Variants in CTH observed in about 807,000 individuals in gnomAD.
CTH encodes cystathionase (cystathionine gamma-lyase).
CTH carries 41 observed loss-of-function variants against 50.6 expected under a neutral mutation model. The observed-to-expected ratio is 0.81, with a 90% CI of 0.63 to 1.05. The LOEUF is 1.05. Ranked by LOEUF, CTH falls within the 50% of genes least tolerant of loss-of-function variation. The pLI is 0.00. For synonymous variants in CTH, 156 were observed against 168.9 expected (o/e 0.92, Z 0.59); for missense variants, 470 against 492.6 (o/e 0.95, Z 0.43).
intron 3 of CTH, among the ~76,000 whole-genome samples, chr1:70,420,344 C>T (rs116637048): frequency 0.023 from 3,471 of 152,120 alleles, 134 homozygotes; most frequent in African/African-American, 0.079. Context: ...GGGGATGGTT[C>T]CAGGATGAAA....
At chr1:70,415,848 C>T in intron 1 of CTH, 108 bp from the exon 2 acceptor site, 1 of 731,208 alleles carries the variant, frequency 1.4e-6, no homozygotes, top group South Asian at 1.5e-5. Context: ...CATATCATGA[C>T]TAAAGAATAG....
Position 70,433,876 on chromosome 1 carries a change from G to A in CTH, c.926G>A (p.Gly309Asp), listed in dbSNP as rs758965946. 14 of 1,613,950 alleles carry A rather than the reference G, an allele frequency of 8.7e-6. No individual in the cohort carries two copies. The highest frequency in any genetic ancestry group is 8.5e-7 in the Non-Finnish European group (1 of 1,180,006). Residue 309 changes from glycine to aspartate, a missense_variant, in exon 9 of 12, where the codon GGT becomes GAT. By Grantham distance (94) the Gly-to-Asp change is moderately conservative. Transcript: ENST00000370938. ...GAGTTGGTGAAGCGTCAGTGTACAGGTTGTACAGGGATGGTCACCTTTTAT... is the reference window on the plus strand; with the variant it reads ...GAGTTGGTGAAGCGTCAGTGTACAGATTGTACAGGGATGGTCACCTTTTAT... ...QHELVKRQCT[G>D]CTGMVTFYIK... is the part of the protein sequence containing the mutation.
intron 3 of CTH, among the ~76,000 whole-genome samples, chr1:70,419,435 C>T (rs1169207062): frequency 6.6e-6 from 1 of 152,186 alleles, no homozygotes; most frequent in Non-Finnish European, 1.5e-5. Flanking sequence ...TTTACAGTCC[C>T]ACCAACAGTG....
At chr1:70,418,875 G>C (rs1322406070) in intron 3 of CTH, among the ~76,000 whole-genome samples, 1 of 151,986 alleles carries the variant, frequency 6.6e-6, no homozygotes, top group Non-Finnish European at 1.5e-5. Flanking sequence ...GGGTCTCATG[G>C]ATTGAACCGC....
Position 70,439,772 on chromosome 1 carries a change from C to T in CTH, c.*645C>T, listed in dbSNP as rs768146060. 4 of 152,194 alleles carry T rather than the reference C, an allele frequency of 2.6e-5. No individual in the cohort carries two copies. Among genetic ancestry groups the T allele is most frequent in the African/African-American group, 9.7e-5 (4 of 41,392 alleles). The allele number at this position is 152,194 out of a possible 1,614,324, so 9.4% of individuals were successfully genotyped here. ...ATCCTGGCTAGCGCAGTGAAACCCC[C>T]ATCTCTACTAAAAATGCAAAAAAAA... On this transcript the variant is annotated 3_prime_UTR_variant, in exon 12 of 12. Transcript: ENST00000370938.
rs144207053 is a variant in CTH at position 70,429,971 on chromosome 1, T to TAA, written c.646+130_646+131dup. The TAA allele has an allele frequency of 4.3e-4, 249 of 575,094 alleles. No homozygotes were observed. In the African/African-American group the frequency reaches 4.4e-3, roughly 10 times the overall value. The allele number at this position is 575,094 out of a possible 1,614,324, so 35.6% of individuals were successfully genotyped here. ...TATTTCCTGTGACTCATAGAGAGAGTAAAAAAAAAAATCCTTTGATTAAAT... is the reference window on the plus strand; with the variant it reads ...TATTTCCTGTGACTCATAGAGAGAGTAAAAAAAAAAAAATCCTTTGATTAAAT... On this transcript the variant is annotated intron_variant, in intron 6 of 11. Transcript: ENST00000370938.
Position 70,432,142 on chromosome 1 carries a change from C to A in CTH, c.784C>A (p.Leu262Ile). 1 of 1,614,108 alleles carries A rather than the reference C, an allele frequency of 6.2e-7. No homozygotes were observed. Among genetic ancestry groups the A allele is most frequent in the South Asian group, 1.1e-5 (1 of 91,078 alleles). Residue 262 changes from leucine (L) to isoleucine (I), a missense_variant, in exon 8 of 12, where the codon CTA (leucine) becomes ATA (isoleucine). Leu to Ile is a conservative substitution (Grantham distance 5). Transcript: ENST00000370938. ...CYLCNRGLKT[L>I]HVRMEKHFKN... ...CCTCTGCAATCGAGGTCTGAAGACT[C>A]TACATGTCCGAATGGAAAAGCATTT...
intron 3 of CTH, 81 bp downstream of exon 3, chr1:70,418,113 G>A: frequency 1.3e-6 from 2 of 1,490,726 alleles, no homozygotes; most frequent in South Asian, 1.2e-5. Context: ...TATTAACAAT[G>A]TTGCCAGTAT....
rs1452491107 is a variant in CTH, at chr1:70,417,897, C to G, written c.251-40C>G. The G allele has an allele frequency of 1.9e-6, 3 of 1,610,680 alleles. No individual in the cohort carries two copies. In the Admixed American group the frequency reaches 5.0e-5, roughly 27 times the overall value. On this transcript the variant is annotated intron_variant, in intron 2 of 11. Transcript: ENST00000370938. ...TTGGAGGTGTGTTGTAACCTATAGG[C>G]CTGACTTTTCAGCTTACTCTAACTT...
chr1:70,433,009 C>T (rs930036371), intron 8 of CTH, among the ~76,000 whole-genome samples: 14 of 152,098 alleles, frequency 9.2e-5, no homozygotes, highest in East Asian at 7.7e-4. Flanking sequence ...CTGTATTTCT[C>T]TCCTGTATTT....
intron 3 of CTH, 66 bp from the exon 4 acceptor site, chr1:70,421,500 A>G (rs6413471): frequency 1.3e-6 from 2 of 1,515,782 alleles, no homozygotes; most frequent in East Asian, 2.3e-5. Flanking sequence ...GTGTTTATAC[A>G]TAGAAGGAAT....
intron 3 of CTH, among the ~76,000 whole-genome samples, chr1:70,419,179 A>G (rs1341414939): frequency 3.9e-5 from 6 of 152,012 alleles, no homozygotes; most frequent in Admixed American, 2.6e-4. Flanking sequence ...GCTGCATAGT[A>G]TTCCATGTGT....
chr1:70,438,543 C>G, intron 10 of CTH, 145 bp from the exon 11 acceptor site: 2 of 807,634 alleles, frequency 2.5e-6, no homozygotes, highest in Non-Finnish European at 4.1e-6. Context: ...GTAATTTTCT[C>G]TTTTTTTGCC....
At chr1:70,434,746 ATTTTTTTTTTTTT>A (rs35606808) in intron 9 of CTH, 6 of 131,528 alleles carry the variant, frequency 4.6e-5, no homozygotes, top group Non-Finnish European at 9.4e-5. Flanking sequence ...AAATGCAATA[ATTTTTTTTTTTTT>A]TTTTTTTTTT....
chr1:70,426,723 G>C (rs1684353430), intron 5 of CTH, among the ~76,000 whole-genome samples: 1 of 152,122 alleles, frequency 6.6e-6, no homozygotes, highest in South Asian at 2.1e-4. Flanking sequence ...TTCTGGCATT[G>C]TCTATTTGGC....
chr1:70,438,938 T>A, intron 11 of CTH, 112 bp downstream of exon 11: 1 of 1,599,840 alleles, frequency 6.3e-7, no homozygotes, highest in Non-Finnish European at 8.5e-7. Flanking sequence ...CTCTAAAGCT[T>A]TTCTGTTCCT....
Position 70,421,556 on chromosome 1 carries a change from T to G in CTH, c.347-10T>G, listed in dbSNP as rs781631194. 14 of 1,612,754 alleles carry G rather than the reference T, an allele frequency of 8.7e-6. No individual in the cohort carries two copies. The highest frequency in any genetic ancestry group is 1.2e-5 in the Non-Finnish European group (14 of 1,178,868). ...TTCTTTTCATTTTATCTGATTCCCTTCTGTCTCAGGTACAAACAGGTACTT... is the reference window on the plus strand; with the variant it reads ...TTCTTTTCATTTTATCTGATTCCCTGCTGTCTCAGGTACAAACAGGTACTT... On this transcript the variant is annotated splice_polypyrimidine_tract_variant and intron_variant, in intron 3 of 11. Transcript: ENST00000370938.
At chr1:70,413,972 C>G (rs949909920) in intron 1 of CTH, among the ~76,000 whole-genome samples, 1 of 151,100 alleles carries the variant, frequency 6.6e-6, no homozygotes, top group African/African-American at 2.4e-5. Context: ...GAAATCCTGA[C>G]CTCAGGTGAT....
At chr1:70,435,758 G>A (rs892031359) in intron 10 of CTH, among the ~76,000 whole-genome samples, 3 of 152,070 alleles carry the variant, frequency 2.0e-5, no homozygotes, top group Non-Finnish European at 4.4e-5. Context: ...TTTTTTCAAA[G>A]CATCAGAGGA....
Sources: allele counts gnomAD v4.1 joint callset (sites outside exome capture counted in the v4.1 genomes callset), GRCh38; gene constraint gnomAD v4.1.1; transcripts MANE v1.5; gene names NCBI Gene and HGNC (gene_info 2026-07-23, HGNC 2026-07-21).